The following ANO7 variants were observed in gnomAD, a reference collection of about 807,000 sequenced individuals.
ANO7 encodes the protein anoctamin 7, also known as anoctamin-7.
In ANO7, 114 loss-of-function variants were observed where a neutral mutation model predicts 115.8. The ratio of observed to expected loss-of-function variants is 0.98; its 90% CI spans 0.85 to 1.15. The LOEUF is 1.15. ANO7 is among the 50% of genes most tolerant of loss of function. The pLI is 0.00. For missense variants in ANO7, 1,302 were observed against 1,201.2 expected (o/e 1.08, Z -1.24); for synonymous variants, 550 against 498.2 (o/e 1.10, Z -1.38).
the ANO7 span, among the ~76,000 whole-genome samples, chr2:241,234,823 A>G: frequency 6.6e-6 from 1 of 152,218 alleles, no homozygotes; most frequent in Non-Finnish European, 1.5e-5. Flanking sequence ...GCCTCTCGCA[A>G]CCTTGACCTT....
rs1446232755 is a variant in ANO7, at chr2:241,217,794, T to C, written c.2081T>C (p.Val694Ala). Residue 694 changes from valine to alanine, a missense_variant, in exon 20 of 25, where the codon GTC (valine) becomes GCC (alanine). Val to Ala is a moderately conservative substitution (Grantham distance 64). Transcript: ENST00000674324. ...VEIRLDARKF[V>A]CEYRRPVAER... ...ATCCGCTTGGACGCGCGCAAGTTCGTCTGCGAGTACCGGCGCCCGGTGGCC... is the reference window on the plus strand; with the variant it reads ...ATCCGCTTGGACGCGCGCAAGTTCGCCTGCGAGTACCGGCGCCCGGTGGCC... The C allele has an allele frequency of 6.2e-7, 1 of 1,610,486 alleles. No homozygotes were observed. Among genetic ancestry groups the C allele is most frequent in the East Asian group, 2.2e-5 (1 of 44,798 alleles).
chr2:241,236,599 G>A, the ANO7 span: 4,771 of 1,613,000 alleles, frequency 3.0e-3, 16 homozygotes, highest in Non-Finnish European at 3.4e-3. Context: ...GTGGAGGGGG[G>A]CACATGGACA....
chr2:241,195,627 G>T, intron 3 of ANO7, 76 bp from the exon 4 acceptor site: 2 of 1,459,414 alleles, frequency 1.4e-6, no homozygotes, highest in Non-Finnish European at 1.9e-6. Context: ...GTCCCGGCTG[G>T]GATGCTGGCA....
At chr2:241,191,158 A>T (rs1345699768) in intron 2 of ANO7, 36 bp from the exon 3 acceptor site, 6 of 1,612,970 alleles carry the variant, frequency 3.7e-6, no homozygotes, top group Non-Finnish European at 5.1e-6. Flanking sequence ...GCAGATGCTG[A>T]TGCTGATATG....
At position 241,209,641 on chromosome 2, in the gene ANO7, C is replaced by G; in HGVS notation, c.1359+6C>G. The G allele has an allele frequency of 6.5e-7, 1 of 1,539,004 alleles. No homozygotes were observed. Among genetic ancestry groups the G allele is most frequent in the Non-Finnish European group, 8.7e-7 (1 of 1,145,804 alleles). Reference sequence around the variant, plus strand: ...CTGTGGTGATCGTGGTGATGGTATGCGGTCCCCCTGCCCTCCGCTCACGCC... The same window carrying G: ...CTGTGGTGATCGTGGTGATGGTATGGGGTCCCCCTGCCCTCCGCTCACGCC... On this transcript the variant is annotated splice_donor_region_variant and intron_variant, in intron 13 of 24. Transcript: ENST00000674324.
At chr2:241,240,058 T>C in the ANO7 span, 1 of 1,614,184 alleles carries the variant, frequency 6.2e-7, no homozygotes, top group Non-Finnish European at 8.5e-7. This position sits in a 1 kb window ranked among gnomAD's most constrained non-coding sequence, Gnocchi z 5.5. Flanking sequence ...GCCGCCCCCC[T>C]TGCCGATGAG....
downstream of ANO7, chr2:241,230,389 G>C (rs1223644863): frequency 1.4e-6 from 1 of 694,896 alleles, no homozygotes; most frequent in Non-Finnish European, 2.4e-6. This position sits in a 1 kb window ranked among gnomAD's most constrained non-coding sequence, Gnocchi z 5.0. Flanking sequence ...TCTGGTTTCA[G>C]AGTTGTTCTG....
intron 3 of ANO7, among the ~76,000 whole-genome samples, chr2:241,191,785 T>A (rs1249268952): frequency 8.7e-6 from 1 of 115,300 alleles, no homozygotes; most frequent in Non-Finnish European, 1.7e-5. Flanking sequence ...TTAAAAAAAA[T>A]CACAAGTGTT....
intron 11 of ANO7, among the ~76,000 whole-genome samples, chr2:241,208,898 C>A (rs1418801920): frequency 1.3e-5 from 2 of 152,128 alleles, no homozygotes; most frequent in Non-Finnish European, 2.9e-5. Context: ...GCCTGTAATC[C>A]CAGCACTTTG....
the ANO7 span, chr2:241,236,239 T>C: frequency 3.6e-6 from 1 of 275,690 alleles, no homozygotes; most frequent in East Asian, 8.5e-5. Flanking sequence ...CGACACTGAC[T>C]GCACACAAGG....
In ANO7 at chr2:241,209,009, C is replaced by T. The variant is rs556215471; in HGVS notation, c.1078-276C>T. ...CTAAAAATACAAAAATTTAGCCGGG[C>T]GTGGTGGCGGGCGCCTGTAGTCCCA... On this transcript the variant is annotated intron_variant, in intron 11 of 24. Transcript: ENST00000674324. 2.4e-4 allele frequency among the ~76,000 whole-genome samples: 36 copies of T among 152,254 alleles called. 1 individual carries two copies. The South Asian group carries it at 4.4e-3, about 18-fold the overall frequency.
Position 241,217,825 on chromosome 2 carries a change from C to G in ANO7, c.2112C>G (p.Arg704=), listed in dbSNP as rs760423431. 1.2e-6 allele frequency: 2 copies of G among 1,609,630 alleles called. No individual in the cohort carries two copies. Among genetic ancestry groups the G allele is most frequent in the Non-Finnish European group, 1.7e-6 (2 of 1,178,866 alleles). The stretch of plus-strand genomic sequence containing the variant: ...AGTACCGGCGCCCGGTGGCCGAGCG[C>G]GCCCAGGACATCGGCATCTGGTTCC... ...VCEYRRPVAE[R]AQDIGIWFHI... The change falls in exon 20 of 25, where the codon CGC becomes CGG. Residue 704 remains arginine, a synonymous_variant. Coordinates refer to ENST00000674324, the MANE Select transcript of ANO7 (RefSeq NM_001370694.2).
At chr2:241,238,476 G>C in the ANO7 span, 2 of 489,742 alleles carry the variant, frequency 4.1e-6, no homozygotes, top group Non-Finnish European at 7.1e-6. This position sits in a 1 kb window ranked among gnomAD's most constrained non-coding sequence, Gnocchi z 4.9. Flanking sequence ...TAACTGACGT[G>C]GTCCATCTTT....
chr2:241,229,492 G>C (rs1379080738), downstream of ANO7: 1 of 788,166 alleles, frequency 1.3e-6, no homozygotes, highest in Admixed American at 2.4e-5. Flanking sequence ...GAAGGGGGAA[G>C]AGCGTCAACA....
In ANO7 at chr2:241,210,382, C is replaced by G; in HGVS notation, c.1447C>G (p.Leu483Val). 6.2e-7 allele frequency: 1 copy of G among 1,614,052 alleles called. No individual in the cohort carries two copies. Among genetic ancestry groups the G allele is most frequent in the Non-Finnish European group, 8.5e-7 (1 of 1,180,002 alleles). ...IVVSRSGNTL[L>V]AAWASRIASL... ...GGTGTCCAGGTCGGGCAACACCCTT[C>G]TCGCAGCCTGGGTGAGCCTCTGCTG... Residue 483 changes from leucine to valine, a missense_variant, in exon 14 of 25, where the codon CTC becomes GTC. Transcript: ENST00000674324.
rs150865579 is a variant in ANO7, at chr2:241,200,176, G to A, written c.505G>A (p.Val169Ile). The change falls in exon 6 of 25, where the codon GTA becomes ATA. Residue 169 changes from valine to isoleucine, a missense_variant. By Grantham distance (29) the Val-to-Ile change is conservative. Coordinates refer to ENST00000674324, the MANE Select transcript of ANO7 (RefSeq NM_001370694.2). Reference protein sequence around the residue: ...PNVLLEVVPDVPPEYYSCRFR... With the variant: ...PNVLLEVVPDIPPEYYSCRFR... ...CGTCCTGCTGGAGGTTGTGCCAGAC[G>A]TACCCCCCGAGTACTACTCCTGCCG... 9.2e-5 allele frequency: 148 copies of A among 1,613,102 alleles called. No homozygotes were observed. In the African/African-American group the frequency reaches 9.9e-4, roughly 11 times the overall value.
At chr2:241,214,387 A>G (rs1333917446) in intron 17 of ANO7, among the ~76,000 whole-genome samples, 1 of 152,168 alleles carries the variant, frequency 6.6e-6, no homozygotes, top group Non-Finnish European at 1.5e-5. Context: ...AGTGCGGCCG[A>G]CACTCTCGGA....
chr2:241,197,389 C>T (rs1009883225), intron 4 of ANO7, among the ~76,000 whole-genome samples: 3 of 152,088 alleles, frequency 2.0e-5, no homozygotes, highest in Admixed American at 6.5e-5. Flanking sequence ...CGTGAGCCAC[C>T]GCGCCAGGCC....
At chr2:241,207,756 G>C in intron 11 of ANO7, 86 bp downstream of exon 11, 1 of 1,248,012 alleles carries the variant, frequency 8.0e-7, no homozygotes, top group Admixed American at 1.7e-5. Context: ...GACTCTGCCT[G>C]CACCAGCCCC....
Sources: allele counts gnomAD v4.1 joint callset (sites outside exome capture counted in the v4.1 genomes callset), GRCh38; gene constraint gnomAD v4.1.1; non-coding constraint Gnocchi (gnomAD v3.1); transcripts MANE v1.5; gene names NCBI Gene and HGNC (gene_info 2026-07-23, HGNC 2026-07-21).